The following AGBL4 variants were observed in gnomAD, a reference collection of about 807,000 sequenced individuals.
AGBL4 encodes AGBL carboxypeptidase 4, also known as cytosolic carboxypeptidase 6.
Under a neutral mutation model 66.4 loss-of-function variants are expected in AGBL4, and 58 were observed. The ratio of observed to expected loss-of-function variants is 0.87; its 90% CI spans 0.71 to 1.09. AGBL4 has a LOEUF of 1.09. AGBL4 is among the 50% of genes least tolerant of loss of function. The pLI, the probability that AGBL4 is intolerant of heterozygous loss-of-function variation, is 0.00. For missense variants in AGBL4, 579 were observed against 631.0 expected (o/e 0.92, Z 0.88); for synonymous variants, 234 against 222.9 (o/e 1.05, Z -0.44).
At chr1:49,993,202 T>C (rs961975223) in intron 1 of AGBL4, among the ~76,000 whole-genome samples, 16 of 152,228 alleles carry the variant, frequency 1.1e-4, no homozygotes, top group African/African-American at 3.9e-4. Context: ...AAGATTAATT[T>C]CACCATTTAA....
chr1:49,343,698 A>G (rs1645585442), intron 3 of AGBL4, among the ~76,000 whole-genome samples: 1 of 152,204 alleles, frequency 6.6e-6, no homozygotes, highest in African/African-American at 2.4e-5. Flanking sequence ...ATAGGAAAGA[A>G]AAACTTAAAA....
intron 6 of AGBL4, among the ~76,000 whole-genome samples, chr1:48,714,774 C>T (rs1452427159): frequency 6.6e-6 from 1 of 152,230 alleles, no homozygotes; most frequent in East Asian, 1.9e-4. Flanking sequence ...CCCCGACCAC[C>T]TGTGCAGGTC....
chr1:48,739,139 T>C (rs1363020928), intron 6 of AGBL4, among the ~76,000 whole-genome samples: 1 of 152,206 alleles, frequency 6.6e-6, no homozygotes, highest in Non-Finnish European at 1.5e-5. Flanking sequence ...GCCTGGCTAC[T>C]TCCCACACCA....
chr1:49,837,580 C>T (rs1645883651), intron 2 of AGBL4, among the ~76,000 whole-genome samples: 1 of 152,224 alleles, frequency 6.6e-6, no homozygotes, highest in South Asian at 2.1e-4. Context: ...GATGCAGTGG[C>T]TCACACCTGT....
chr1:49,033,900 C>A (rs182788914), intron 5 of AGBL4, among the ~76,000 whole-genome samples: 5 of 149,328 alleles, frequency 3.3e-5, no homozygotes, highest in Non-Finnish European at 7.4e-5. Context: ...CTTTCAGAAT[C>A]TTCCCTATGC....
chr1:49,600,930 A>T (rs1644946280), intron 3 of AGBL4, among the ~76,000 whole-genome samples: 1 of 152,150 alleles, frequency 6.6e-6, no homozygotes, highest in Admixed American at 6.6e-5. Context: ...GTTGAAAATT[A>T]TTCCCTTTAA....
intron 3 of AGBL4, among the ~76,000 whole-genome samples, chr1:49,482,560 ATT>A (rs34117914): frequency 7.3e-5 from 11 of 149,850 alleles, no homozygotes; most frequent in Non-Finnish European, 1.5e-4. Flanking sequence ...TATCTACTTT[ATT>A]TTTTTTTTAA....
chr1:49,025,410 A>C (rs1387310609), intron 5 of AGBL4, among the ~76,000 whole-genome samples: 1 of 152,176 alleles, frequency 6.6e-6, no homozygotes, highest in Non-Finnish European at 1.5e-5. Flanking sequence ...GTTTATGGAG[A>C]AGGCCAATAA....
chr1:48,938,302 T>A (rs751447291), intron 5 of AGBL4, among the ~76,000 whole-genome samples: 5 of 152,106 alleles, frequency 3.3e-5, no homozygotes, highest in Non-Finnish European at 5.9e-5. Context: ...GTGCACCTTA[T>A]CCAGTGGTAA....
rs67309599 is a variant in AGBL4, at chr1:49,151,281, AATAT to A, written c.377+94485_377+94488del. 1.7e-3 allele frequency among the ~76,000 whole-genome samples: 240 copies of A among 143,170 alleles called. 22 individuals are homozygous for A. Among genetic ancestry groups the A allele is most frequent in the Middle Eastern group, 0.011 (3 of 278 alleles). The allele number at this position is 143,170 out of a possible 152,430, so 93.9% of individuals were successfully genotyped here. ...AAGACTCCGTCTCAAAAAAAAAAAA[AATAT>A]ATATATATATATATGTATATGTATA... On this transcript the variant is annotated intron_variant, in intron 4 of 13. Transcript: ENST00000371839.
intron 6 of AGBL4, among the ~76,000 whole-genome samples, chr1:48,814,142 T>C (rs1646121530): frequency 6.6e-6 from 1 of 152,108 alleles, no homozygotes; most frequent in African/African-American, 2.4e-5. Flanking sequence ...AGCCAGAGAC[T>C]GATTGTCCCC....
At chr1:49,431,140 T>C (rs977453242) in intron 3 of AGBL4, among the ~76,000 whole-genome samples, 5 of 152,218 alleles carry the variant, frequency 3.3e-5, no homozygotes, top group African/African-American at 1.2e-4. Context: ...GTTGAGTATA[T>C]ACTACTAGGA....
intron 11 of AGBL4, among the ~76,000 whole-genome samples, chr1:48,570,949 T>A (rs1351341571): frequency 6.6e-6 from 1 of 152,158 alleles, no homozygotes; most frequent in East Asian, 1.9e-4. Context: ...CAGTTCTCCA[T>A]CCAGGCAATC....
chr1:49,113,605 A>C (rs1183076943), intron 4 of AGBL4, among the ~76,000 whole-genome samples: 2 of 152,204 alleles, frequency 1.3e-5, no homozygotes, highest in South Asian at 2.1e-4. Flanking sequence ...GAAGGTTTTC[A>C]GTTTACTTTA....
At position 49,809,415 on chromosome 1, in the gene AGBL4, A is replaced by G. The variant is rs1645049675; in HGVS notation, c.157+41981T>C. ...AACCAAAAATGGTGTTCTGGACAAC[A>G]CCAGTGCTATTGGAATGCAGTCTCT... On this transcript the variant is annotated intron_variant, in intron 2 of 13. Coordinates refer to ENST00000371839, the MANE Select transcript of AGBL4 (RefSeq NM_032785.4). Among the ~76,000 whole-genome samples, 5 of 151,282 alleles carry G rather than the reference A, an allele frequency of 3.3e-5. No homozygotes were observed. The Admixed American group carries it at 3.3e-4, about 10-fold the overall frequency.
chr1:49,329,573 T>C (rs1355757588), intron 3 of AGBL4, among the ~76,000 whole-genome samples: 1 of 151,630 alleles, frequency 6.6e-6, no homozygotes, highest in Admixed American at 6.6e-5. Context: ...GGCTGAGGCA[T>C]GAGAATTGCT....
intron 3 of AGBL4, among the ~76,000 whole-genome samples, chr1:49,411,849 A>G (rs1645322393): frequency 1.3e-5 from 2 of 152,316 alleles, no homozygotes; most frequent in South Asian, 4.1e-4. Context: ...CACATTGGAA[A>G]TAGAGATGAT....
chr1:49,201,655 A>G (rs1647709100), intron 4 of AGBL4, among the ~76,000 whole-genome samples: 1 of 152,206 alleles, frequency 6.6e-6, no homozygotes, highest in South Asian at 2.1e-4. Context: ...TTTAAAAAAC[A>G]AAAATTAAAT....
intron 1 of AGBL4, among the ~76,000 whole-genome samples, chr1:49,937,040 C>T (rs976123972): frequency 3.3e-5 from 5 of 152,168 alleles, no homozygotes; most frequent in Admixed American, 2.6e-4. Context: ...AAGACACAGA[C>T]TGGCAAATTG....
Sources: allele counts gnomAD v4.1 joint callset (sites outside exome capture counted in the v4.1 genomes callset), GRCh38; gene constraint gnomAD v4.1.1; transcripts MANE v1.5; gene names NCBI Gene and HGNC (gene_info 2026-07-23, HGNC 2026-07-21).